Variants in ATP2B2 observed in about 807,000 individuals in gnomAD.
ATP2B2 encodes ATPase plasma membrane Ca2+ transporting 2.
ATP2B2 carries 15 observed loss-of-function variants against 120.0 expected under a neutral mutation model. The observed-to-expected ratio is 0.12, with a 90% CI of 0.08 to 0.19. The LOEUF (loss-of-function observed/expected upper bound fraction) is 0.19. ATP2B2 is among the 10% of genes least tolerant of loss of function. The pLI, the probability that ATP2B2 is intolerant of heterozygous loss-of-function variation, is 1.00. For synonymous variants in ATP2B2, 694 were observed against 700.3 expected, an observed-to-expected ratio of 0.99 and a Z score of 0.14; for missense variants, 1,045 against 1,719.8, an observed-to-expected ratio of 0.61 and a Z score of 6.94.
intron 8 of ATP2B2, among the ~76,000 whole-genome samples, chr3:10,380,986 G>A (rs926284212): frequency 6.6e-6 from 1 of 152,246 alleles, no homozygotes; most frequent in African/African-American, 2.4e-5. Flanking sequence ...TATAGATGGG[G>A]AAACTGAGGC....
At position 10,512,075 on chromosome 3, in the gene ATP2B2, C is replaced by T. The variant is rs182163292; in HGVS notation, c.-320+21964G>A. ...AGAATTTGATGTTATCAGTCTTCAA[C>T]GTAGAGGTGAGGAAACGAGCCCAGA... On this transcript the variant is annotated intron_variant, in intron 3 of 21. Transcript: ENST00000646379. Among the ~76,000 whole-genome samples the T allele has an allele frequency of 3.3e-5, 5 of 152,232 alleles. 1 individual carries two copies. Among genetic ancestry groups the T allele is most frequent in the South Asian group, 2.1e-4 (1 of 4,826 alleles).
At chr3:10,407,819 T>C (rs1219004991) in intron 3 of ATP2B2, among the ~76,000 whole-genome samples, 4 of 152,182 alleles carry the variant, frequency 2.6e-5, no homozygotes, top group African/African-American at 9.6e-5. Context: ...CAGGGCTCCA[T>C]GATAAGCGCT....
intron 14 of ATP2B2, among the ~76,000 whole-genome samples, chr3:10,358,204 C>T (rs924813710): frequency 1.3e-5 from 2 of 152,240 alleles, no homozygotes; most frequent in African/African-American, 2.4e-5. Context: ...ACTGCATCTG[C>T]ACTGGGAGAA....
chr3:10,496,552 C>T (rs991579266), intron 1 of ATP2B2, among the ~76,000 whole-genome samples: 1 of 152,192 alleles, frequency 6.6e-6, no homozygotes, highest in African/African-American at 2.4e-5. Context: ...TTATCTCTTT[C>T]TCTCCCTACC....
chr3:10,647,676 G>A (rs905690657), intron 1 of ATP2B2, among the ~76,000 whole-genome samples: 1 of 152,202 alleles, frequency 6.6e-6, no homozygotes, highest in Non-Finnish European at 1.5e-5. Context: ...GGGAAGCCAA[G>A]GAGAGGACAG....
intron 1 of ATP2B2, among the ~76,000 whole-genome samples, chr3:10,687,678 T>C (rs2071557143): frequency 6.6e-6 from 1 of 152,156 alleles, no homozygotes; most frequent in Admixed American, 6.5e-5. Flanking sequence ...CTGGCCAAGA[T>C]GGTGAAACCC....
intron 16 of ATP2B2, 25 bp downstream of exon 16, chr3:10,350,087 T>C (rs758038730): frequency 1.2e-6 from 2 of 1,611,588 alleles, no homozygotes; most frequent in South Asian, 1.1e-5. Flanking sequence ...GGCTTCAGGA[T>C]TGCCCGTGCC....
At chr3:10,576,868 G>T (rs548683748) in intron 2 of ATP2B2, among the ~76,000 whole-genome samples, 53 of 152,016 alleles carry the variant, frequency 3.5e-4, no homozygotes, top group Non-Finnish European at 5.3e-4. Context: ...TTCGAGACCA[G>T]CCTGGTCAAT....
intron 7 of ATP2B2, 56 bp downstream of exon 7, chr3:10,386,424 C>A: frequency 6.3e-7 from 1 of 1,593,372 alleles, no homozygotes; most frequent in Non-Finnish European, 8.6e-7. Flanking sequence ...GGCCCAATGA[C>A]CAAAGCCTGC....
At chr3:10,517,852 A>G (rs1309442833) in intron 3 of ATP2B2, among the ~76,000 whole-genome samples, 2 of 152,240 alleles carry the variant, frequency 1.3e-5, no homozygotes, top group East Asian at 3.8e-4. Flanking sequence ...GTAGGAAGAC[A>G]GACACAGAGC....
intron 5 of ATP2B2, among the ~76,000 whole-genome samples, chr3:10,400,091 C>T (rs1038535143): frequency 5.1e-4 from 77 of 152,336 alleles, no homozygotes; most frequent in African/African-American, 1.8e-3. Flanking sequence ...ACAATAAGGC[C>T]TTTTGGGCGT....
rs1356426373 is a variant in ATP2B2, at chr3:10,350,109, T to C, written c.2404+3A>G. ...GGATTGCCCGTGCCCGCCCAAGTCT[T>C]ACCTTTAACCAGGGTATGCTTGTCC... On this transcript the variant is annotated splice_donor_region_variant and intron_variant, in intron 16 of 22. Transcript: ENST00000360273. The C allele has an allele frequency of 6.2e-7, 1 of 1,613,914 alleles. No homozygotes were observed. The highest frequency in any genetic ancestry group is 1.7e-5 in the Admixed American group (1 of 60,008).
At chr3:10,656,015 G>A (rs1385290580) in intron 1 of ATP2B2, among the ~76,000 whole-genome samples, 2 of 152,236 alleles carry the variant, frequency 1.3e-5, no homozygotes, top group Non-Finnish European at 2.9e-5. Context: ...TCCCTGGATT[G>A]ATGAGTCCAA....
At chr3:10,630,858 G>A (rs528604970) in intron 1 of ATP2B2, among the ~76,000 whole-genome samples, 36 of 150,894 alleles carry the variant, frequency 2.4e-4, no homozygotes, top group South Asian at 2.3e-3. Flanking sequence ...GGTGGGGGGC[G>A]GTGAGCACAC....
At chr3:10,647,921 T>G (rs943357024) in intron 1 of ATP2B2, among the ~76,000 whole-genome samples, 1 of 152,200 alleles carries the variant, frequency 6.6e-6, no homozygotes, top group African/African-American at 2.4e-5. Flanking sequence ...AGAGGATGAA[T>G]TCCACACACA....
intron 16 of ATP2B2, 94 bp downstream of exon 16, chr3:10,350,018 C>G: frequency 7.5e-7 from 1 of 1,336,886 alleles, no homozygotes. Context: ...GGGCCCTTCC[C>G]TTCTGGGAAG....
rs2071690534 is a variant in ATP2B2 at position 10,692,913 on chromosome 3, T to C, written c.-460+15002A>G. On this transcript the variant is annotated intron_variant, in intron 1 of 21. Transcript: ENST00000646379. ...GGTGGGTGGGTGGGTGACTGGGCCT[T>C]ACTCACTGGCAGCCCTGGATCCTGC... Among the ~76,000 whole-genome samples, 3 of 152,130 alleles carry C rather than the reference T, an allele frequency of 2.0e-5. 1 individual carries two copies. The highest frequency in any genetic ancestry group is 2.0e-4 in the Admixed American group (3 of 15,262).
chr3:10,462,353 C>T (rs751509702), intron 1 of ATP2B2, among the ~76,000 whole-genome samples: 8 of 152,166 alleles, frequency 5.3e-5, no homozygotes, highest in Non-Finnish European at 1.2e-4. Flanking sequence ...ACCCAGGAAG[C>T]ATCAGCATAA....
chr3:10,625,580 C>T (rs531506335), intron 1 of ATP2B2, among the ~76,000 whole-genome samples: 3 of 152,224 alleles, frequency 2.0e-5, no homozygotes, highest in Admixed American at 6.5e-5. Flanking sequence ...GCTTCTTGGG[C>T]GGTTTGTGGA....
Sources: allele counts gnomAD v4.1 joint callset (sites outside exome capture counted in the v4.1 genomes callset), GRCh38; gene constraint gnomAD v4.1.1; transcripts MANE v1.5; gene names NCBI Gene and HGNC (gene_info 2026-07-23, HGNC 2026-07-21).